Variants in SUGCT observed in about 807,000 individuals in gnomAD.
SUGCT encodes the protein succinyl-CoA:glutarate CoA-transferase.
In SUGCT, 41 loss-of-function variants were observed where a neutral mutation model predicts 55.0. The ratio of observed to expected loss-of-function variants is 0.74; its 90% confidence interval spans 0.58 to 0.97. SUGCT has a LOEUF of 0.97. SUGCT is among the 50% of genes least tolerant of loss of function. The probability of loss-of-function intolerance (pLI) is 0.00; values close to 1 mark genes in which losing one functional copy is unlikely to be tolerated. For synonymous variants in SUGCT, 187 were observed against 200.4 expected (o/e 0.93, Z 0.56); for missense variants, 568 against 547.8 (o/e 1.04, Z -0.37).
chr7:40,472,068 T>C (rs1312971968), intron 11 of SUGCT, among the ~76,000 whole-genome samples: 1 of 152,120 alleles, frequency 6.6e-6, no homozygotes, highest in East Asian at 1.9e-4. Context: ...GCGTAAGACA[T>C]AGTAAGACAT....
rs149046485 is a variant in SUGCT at position 40,572,098 on chromosome 7, G to A, written c.1089+75712G>A. Among the ~76,000 whole-genome samples the A allele has an allele frequency of 4.5e-4, 68 of 152,174 alleles. 2 individuals carry two copies. The East Asian group carries it at 0.012, about 27-fold the overall frequency. On this transcript the variant is annotated intron_variant, in intron 12 of 13. Transcript: ENST00000335693. ...GGCATCTTGTTTCCTACGGGCCCAG[G>A]TCTGCTTAGCATTACACAGTGCTTA...
the SUGCT span, among the ~76,000 whole-genome samples, chr7:41,011,651 A>T: frequency 4.4e-4 from 67 of 152,372 alleles, 2 homozygotes; most frequent in Admixed American, 4.4e-3. Context: ...ACTAAATAAA[A>T]TAAAACTCAA....
intron 7 of SUGCT, among the ~76,000 whole-genome samples, chr7:40,272,477 A>G (rs997679527): frequency 4.6e-5 from 7 of 150,580 alleles, no homozygotes; most frequent in Non-Finnish European, 8.9e-5. Context: ...GTGCGTGAAC[A>G]CATTTTCTTT....
chr7:40,544,006 G>T (rs1390496396), intron 12 of SUGCT, among the ~76,000 whole-genome samples: 1 of 152,014 alleles, frequency 6.6e-6, no homozygotes, highest in African/African-American at 2.4e-5. Context: ...AATCATACTT[G>T]GTAAGGAGGC....
chr7:40,387,666 A>C (rs2151294704), intron 9 of SUGCT, among the ~76,000 whole-genome samples: 1 of 152,210 alleles, frequency 6.6e-6, no homozygotes, highest in East Asian at 1.9e-4. Flanking sequence ...TGTACAAATG[A>C]GTTCTCCTCT....
At chr7:40,178,700 A>G (rs1286414012) in intron 1 of SUGCT, among the ~76,000 whole-genome samples, 1 of 152,046 alleles carries the variant, frequency 6.6e-6, no homozygotes, top group Non-Finnish European at 1.5e-5. Flanking sequence ...AGATTTTCAC[A>G]ATGATGTCTT....
At chr7:40,227,913 G>A (rs182163312) in intron 6 of SUGCT, among the ~76,000 whole-genome samples, 136 of 149,796 alleles carry the variant, frequency 9.1e-4, no homozygotes, top group East Asian at 2.0e-3. Context: ...ATGGAGTTTC[G>A]CTTTTGTTGC....
chr7:41,018,263 C>A, the SUGCT span, among the ~76,000 whole-genome samples: 1 of 152,036 alleles, frequency 6.6e-6, no homozygotes, highest in Non-Finnish European at 1.5e-5. Context: ...GGAGGAGGCT[C>A]CAGAAAGGCC....
intron 9 of SUGCT, among the ~76,000 whole-genome samples, chr7:40,364,676 G>A (rs570192337): frequency 6.7e-4 from 102 of 152,232 alleles, no homozygotes; most frequent in African/African-American, 1.7e-3. Flanking sequence ...GTTTCTGCCA[G>A]TAGATCCGCT....
intron 12 of SUGCT, among the ~76,000 whole-genome samples, chr7:40,726,064 T>C (rs139248311): frequency 2.7e-4 from 41 of 152,232 alleles, no homozygotes; most frequent in African/African-American, 9.6e-4. Context: ...ATATAAAATC[T>C]CAACACGTAA....
At chr7:40,781,380 T>C (rs1230114351) in intron 13 of SUGCT, among the ~76,000 whole-genome samples, 1 of 152,116 alleles carries the variant, frequency 6.6e-6, no homozygotes, top group Non-Finnish European at 1.5e-5. Context: ...ATCTGCAGTC[T>C]CAGGAAAACT....
chr7:40,750,561 A>AT (rs1053599723), intron 13 of SUGCT, among the ~76,000 whole-genome samples: 4 of 152,172 alleles, frequency 2.6e-5, no homozygotes, highest in African/African-American at 9.6e-5. Context: ...ATTCTTGTTA[A>AT]TTTTATCCTA....
chr7:40,372,617 A>G (rs894386950), intron 9 of SUGCT, among the ~76,000 whole-genome samples: 1 of 152,024 alleles, frequency 6.6e-6, no homozygotes, highest in African/African-American at 2.4e-5. Flanking sequence ...CACCATCCCA[A>G]TGTTGTGTTA....
At chr7:40,316,953 C>CTT in intron 9 of SUGCT, 98 bp downstream of exon 9, 12 of 183,542 alleles carry the variant, frequency 6.5e-5, no homozygotes, top group Admixed American at 2.0e-4. Flanking sequence ...AATCCTTCAG[C>CTT]TGTTTTTTTT....
At chr7:40,476,642 T>G (rs992575597) in intron 11 of SUGCT, among the ~76,000 whole-genome samples, 2 of 152,156 alleles carry the variant, frequency 1.3e-5, no homozygotes, top group Non-Finnish European at 2.9e-5. Flanking sequence ...TATAAATATT[T>G]CATAGTATAC....
chr7:40,713,956 C>A (rs181305711), intron 12 of SUGCT, among the ~76,000 whole-genome samples: 23 of 152,298 alleles, frequency 1.5e-4, no homozygotes, highest in African/African-American at 5.3e-4. Flanking sequence ...AGAAAACCAT[C>A]TGAAGTTATT....
intron 9 of SUGCT, among the ~76,000 whole-genome samples, chr7:40,429,617 C>T (rs1189461735): frequency 6.6e-6 from 1 of 152,178 alleles, no homozygotes; most frequent in Non-Finnish European, 1.5e-5. Flanking sequence ...GGCCAGGAGA[C>T]TCAGCCAGTT....
intron 13 of SUGCT, among the ~76,000 whole-genome samples, chr7:40,766,444 A>T (rs1050604044): frequency 6.6e-6 from 1 of 152,130 alleles, no homozygotes; most frequent in Admixed American, 6.5e-5. Context: ...TCCTGACCTC[A>T]GGTGATCCAC....
intron 8 of SUGCT, among the ~76,000 whole-genome samples, chr7:40,276,787 G>A (rs114521753): frequency 0.018 from 2,508 of 142,656 alleles, 56 homozygotes; most frequent in African/African-American, 0.062. Context: ...ATCATTTTTG[G>A]GGTGTGCATG....
Sources: allele counts gnomAD v4.1 joint callset (sites outside exome capture counted in the v4.1 genomes callset), GRCh38; gene constraint gnomAD v4.1.1; transcripts MANE v1.5; gene names NCBI Gene and HGNC (gene_info 2026-07-23, HGNC 2026-07-21).